ARSG: variants seen among roughly 807,000 people sequenced by gnomAD.
The protein encoded by ARSG is arylsulfatase G, also known as ASG.
Under a neutral mutation model 50.5 loss-of-function variants are expected in ARSG, and 37 were observed. That is an observed-to-expected ratio of 0.73 (90% CI 0.56 to 0.96). The LOEUF is 0.96. Among genes scored for constraint, ARSG ranks in the 50% least tolerant of loss-of-function variants. The pLI is 0.00. For synonymous variants in ARSG, 225 were observed against 254.6 expected, an observed-to-expected ratio of 0.88 and a Z score of 1.11; for missense variants, 629 against 675.3, an observed-to-expected ratio of 0.93 and a Z score of 0.76.
At chr17:68,308,199 G>T (rs1371067801) in intron 2 of ARSG, among the ~76,000 whole-genome samples, 1 of 152,172 alleles carries the variant, frequency 6.6e-6, no homozygotes, top group African/African-American at 2.4e-5. Context: ...TCAGCTACTC[G>T]GGAGGCTGAA....
At chr17:68,421,686 C>G (rs1014121957), downstream of ARSG, 1 of 1,588,790 alleles carries the variant, frequency 6.3e-7, no homozygotes, top group Admixed American at 1.7e-5. Flanking sequence ...TCTGCTCACA[C>G]AATTGCACTC....
chr17:68,354,520 A>G (rs2078948748), intron 5 of ARSG, among the ~76,000 whole-genome samples: 1 of 152,172 alleles, frequency 6.6e-6, no homozygotes, highest in Non-Finnish European at 1.5e-5. Flanking sequence ...ATGGAGTTGC[A>G]ATGGTATAAT....
At chr17:68,368,778 A>AT (rs1230922924) in intron 7 of ARSG, 34 bp downstream of exon 7, 4 of 1,604,320 alleles carry the variant, frequency 2.5e-6, no homozygotes, top group African/African-American at 2.7e-5. Context: ...CCTAACTGCC[A>AT]TTTAATAGAC....
At chr17:68,372,248 C>G (rs2079881775) in intron 8 of ARSG, among the ~76,000 whole-genome samples, 1 of 152,280 alleles carries the variant, frequency 6.6e-6, no homozygotes, top group South Asian at 2.1e-4. Context: ...GTCTGTCTGT[C>G]TGCCAGTTCT....
At chr17:68,431,379 G>A in the ARSG span, among the ~76,000 whole-genome samples, 3 of 151,990 alleles carry the variant, frequency 2.0e-5, no homozygotes, top group African/African-American at 7.3e-5. Context: ...CATGGAGCCC[G>A]GCACGTGGCG....
the ARSG span, among the ~76,000 whole-genome samples, chr17:68,451,340 A>T: frequency 2.4e-4 from 36 of 152,336 alleles, no homozygotes; most frequent in Non-Finnish European, 3.1e-4. Flanking sequence ...AGGCTGAGGC[A>T]TGAGAATCAC....
rs1558876 is a variant in ARSG at position 68,368,550 on chromosome 17, C to T, written c.707C>T (p.Thr236Ile). The change falls in exon 7 of 12, where the codon ACC becomes ATC. Residue 236 changes from threonine to isoleucine, a missense_variant and splice_region_variant. Thr to Ile is a moderately conservative substitution (Grantham distance 89). Transcript: ENST00000621439. ...KATQFIQRASTSGRPFLLYVA... is the reference protein window; with the variant it reads ...KATQFIQRASISGRPFLLYVA... ...ACCTCTTGGTTCTCCTGTTTCAGCA[C>T]CAGCGGGAGGCCCTTCCTGCTCTAT... The T allele has an allele frequency of 7.4e-6, 12 of 1,612,824 alleles. No homozygotes were observed. In the East Asian group the frequency reaches 2.7e-4, roughly 36 times the overall value.
chr17:68,302,117 A>G (rs2076441983), intron 1 of ARSG, among the ~76,000 whole-genome samples: 2 of 152,066 alleles, frequency 1.3e-5, no homozygotes, highest in Non-Finnish European at 2.9e-5. Flanking sequence ...AGTCAGTACA[A>G]ATTTGGTGGA....
chr17:68,341,252 TG>T (rs1330748862), intron 2 of ARSG, among the ~76,000 whole-genome samples: 2 of 152,318 alleles, frequency 1.3e-5, no homozygotes, highest in Non-Finnish European at 2.9e-5. Flanking sequence ...CAGCGTTTTT[TG>T]TTTTTTGTTT....
intron 2 of ARSG, among the ~76,000 whole-genome samples, chr17:68,328,047 C>A (rs184041645): frequency 6.6e-6 from 1 of 152,172 alleles, no homozygotes; most frequent in East Asian, 1.9e-4. Flanking sequence ...AGGGAGAATG[C>A]TGAGCTTGGT....
At chr17:68,342,691 C>G (rs1433835528) in intron 2 of ARSG, among the ~76,000 whole-genome samples, 1 of 152,168 alleles carries the variant, frequency 6.6e-6, no homozygotes. Context: ...TAAGGCACAT[C>G]AAAGCCTTTG....
chr17:68,366,906 C>T (rs542070957), intron 6 of ARSG, among the ~76,000 whole-genome samples: 3 of 152,164 alleles, frequency 2.0e-5, no homozygotes, highest in South Asian at 2.1e-4. Context: ...TTTTCTTCCC[C>T]GCAGTGCCCC....
chr17:68,308,637 C>G (rs2076705632), intron 2 of ARSG, among the ~76,000 whole-genome samples: 1 of 152,224 alleles, frequency 6.6e-6, no homozygotes, highest in African/African-American at 2.4e-5. Flanking sequence ...GTTGCCACTG[C>G]TGGCTCGGGC....
upstream of ARSG, chr17:68,290,971 T>G (rs1555755653): frequency 6.6e-6 from 1 of 152,060 alleles, no homozygotes; most frequent in Non-Finnish European, 1.5e-5. Context: ...GTGAAGATGT[T>G]CAGTGGTCTC....
Position 68,355,843 on chromosome 17 carries a change from AAT to A in ARSG, c.567-823_567-822del, listed in dbSNP as rs544274751. On this transcript the variant is annotated intron_variant, in intron 5 of 11. Transcript: ENST00000621439. ...TCCAAATTCTGCAAACATGGCTTAA[AAT>A]TAAAATTGTCCCAACCCATCTTATG... 1.1e-4 allele frequency among the ~76,000 whole-genome samples: 16 copies of A among 152,092 alleles called. No homozygotes were observed. The East Asian group carries it at 3.1e-3, about 29-fold the overall frequency.
rs564823484 is a variant in ARSG at position 68,386,754 on chromosome 17, C to T, written c.1091+1582C>T. ...GCTGCACATGGACAAGTAACTCAGC[C>T]GTCTCTCAAGTTGCTTCACAGAAAG... is the stretch of plus-strand genomic sequence containing the variant. On this transcript the variant is annotated intron_variant, in intron 9 of 11. Coordinates refer to ENST00000621439, the MANE Select transcript of ARSG (RefSeq NM_001267727.2). 4.1e-4 allele frequency among the ~76,000 whole-genome samples: 62 copies of T among 152,270 alleles called. No homozygotes were observed. The South Asian group carries it at 0.012, about 29-fold the overall frequency.
At chr17:68,284,976 G>T (rs11870866) in intron 1 of ARSG, among the ~76,000 whole-genome samples, 54,378 of 151,968 alleles carry the variant, frequency 0.36, 9,849 homozygotes, top group East Asian at 0.39. Flanking sequence ...ATTTATTTTT[G>T]CAACAAAATA....
At chr17:68,412,275 T>C (rs969140468) in intron 11 of ARSG, among the ~76,000 whole-genome samples, 10 of 152,352 alleles carry the variant, frequency 6.6e-5, no homozygotes, top group Non-Finnish European at 1.0e-4. Context: ...TTCCTTTCCA[T>C]GTTTAGTGCT....
chr17:68,379,181 G>A (rs1436086799), intron 8 of ARSG, among the ~76,000 whole-genome samples: 5 of 152,162 alleles, frequency 3.3e-5, no homozygotes, highest in Admixed American at 1.3e-4. Context: ...TCTAGAAAAC[G>A]AGTACACTGT....
Sources: gnomAD v4.1 joint callset for allele counts (sites outside exome capture counted in the v4.1 genomes callset) on GRCh38, gnomAD v4.1.1 for gene constraint, MANE v1.5 for transcripts, NCBI Gene and HGNC (gene_info 2026-07-23, HGNC 2026-07-21) for gene names.